MAP3K5: variants seen among roughly 807,000 people sequenced by gnomAD.
MAP3K5 encodes the protein mitogen-activated protein kinase kinase kinase 5.
In MAP3K5, 56 loss-of-function variants were observed where a neutral mutation model predicts 158.7. That is an observed-to-expected ratio of 0.35 (90% CI 0.28 to 0.44). MAP3K5 has a LOEUF of 0.44. Ranked by LOEUF, MAP3K5 falls within the 20% of genes least tolerant of loss-of-function variation. MAP3K5 has a pLI of 1.00. For synonymous variants in MAP3K5, 579 were observed against 601.7 expected, an observed-to-expected ratio of 0.96 and a Z score of 0.55; for missense variants, 1,294 against 1,674.8, an observed-to-expected ratio of 0.77 and a Z score of 3.97.
In MAP3K5 at chr6:136,583,634, G is replaced by A; in HGVS notation, c.3332C>T (p.Ser1111Leu). Reference protein sequence around the residue: ...TDRKIIATTLSKLKLELDFDS... With the variant: ...TDRKIIATTLLKLKLELDFDS... ...GAAGTCCAGCTCCAGTTTCAGCTTT[G>A]ACAGTGTGGTGGCTATGATTTTTCG... Residue 1111 changes from serine to leucine, a missense_variant, in exon 24 of 30, where the codon TCA becomes TTA. Transcript: ENST00000359015. 1 of 1,614,226 alleles carries A rather than the reference G, an allele frequency of 6.2e-7. No homozygotes were observed. Among genetic ancestry groups the A allele is most frequent in the Non-Finnish European group, 8.5e-7 (1 of 1,180,046 alleles).
intron 12 of MAP3K5, among the ~76,000 whole-genome samples, chr6:136,640,310 A>G (rs1777864133): frequency 6.6e-6 from 1 of 152,226 alleles, no homozygotes; most frequent in Non-Finnish European, 1.5e-5. Context: ...GCTGCCTAAG[A>G]GGATGCATAA....
chr6:136,568,541 C>A lies in MAP3K5; in HGVS notation c.3518-667G>T, dbSNP rs1774221171. Among the ~76,000 whole-genome samples the A allele has an allele frequency of 2.0e-5, 3 of 152,110 alleles. No homozygotes were observed. In the South Asian group the frequency reaches 6.2e-4, roughly 32 times the overall value. On this transcript the variant is annotated intron_variant, in intron 25 of 29. Coordinates refer to ENST00000359015, the MANE Select transcript of MAP3K5 (RefSeq NM_005923.4). ...GTTACAATTTTCCAACTTAAACATA[C>A]TATATAACATGAGATCACCTGCATG... is the stretch of plus-strand genomic sequence containing the variant.
chr6:136,700,576 T>C (rs781345370), intron 3 of MAP3K5, among the ~76,000 whole-genome samples: 18 of 152,178 alleles, frequency 1.2e-4, no homozygotes, highest in Non-Finnish European at 1.8e-4. Context: ...GAATTCTAGT[T>C]AAAATATGAG....
At chr6:136,772,986 A>C (rs1784270378) in intron 1 of MAP3K5, among the ~76,000 whole-genome samples, 1 of 152,180 alleles carries the variant, frequency 6.6e-6, no homozygotes, top group African/African-American at 2.4e-5. Context: ...TTCTCAACTT[A>C]AGCTGTATCA....
chr6:136,673,847 T>C (rs1462070774), intron 7 of MAP3K5, among the ~76,000 whole-genome samples: 1 of 151,938 alleles, frequency 6.6e-6, no homozygotes, highest in African/African-American at 2.4e-5. Flanking sequence ...ACAAGAAATA[T>C]GTGAGATATA....
At chr6:136,626,268 G>A in intron 14 of MAP3K5, among the ~76,000 whole-genome samples, 1 of 152,192 alleles carries the variant, frequency 6.6e-6, no homozygotes, top group Non-Finnish European at 1.5e-5. Flanking sequence ...GGGCTGGAGT[G>A]AGCACTGGCC....
intron 26 of MAP3K5, 41 bp from the exon 27 acceptor site, chr6:136,562,656 G>T: frequency 9.7e-7 from 1 of 1,031,438 alleles, no homozygotes; most frequent in Non-Finnish European, 1.4e-6. Context: ...AGGTGACACA[G>T]GGTGACCTTC....
chr6:136,640,080 A>T (rs796337750), intron 12 of MAP3K5, among the ~76,000 whole-genome samples: 6 of 152,378 alleles, frequency 3.9e-5, no homozygotes, highest in African/African-American at 1.4e-4. Context: ...CACCTCATTC[A>T]TTATAGAGAT....
chr6:136,561,925 A>G (rs990502234), intron 27 of MAP3K5, among the ~76,000 whole-genome samples: 4 of 152,252 alleles, frequency 2.6e-5, no homozygotes, highest in African/African-American at 9.6e-5. Flanking sequence ...TCTGTGCACC[A>G]AAATTAGACT....
intron 1 of MAP3K5, among the ~76,000 whole-genome samples, chr6:136,721,767 C>G (rs1781754700): frequency 6.6e-6 from 1 of 152,194 alleles, no homozygotes; most frequent in Non-Finnish European, 1.5e-5. Flanking sequence ...CCTGTAATCT[C>G]AGCTACTCAG....
At chr6:136,642,035 T>TA (rs1175270359) in intron 12 of MAP3K5, among the ~76,000 whole-genome samples, 33 of 49,648 alleles carry the variant, frequency 6.6e-4, no homozygotes, top group Non-Finnish European at 1.2e-3. Context: ...AAAATAAAAA[T>TA]AAAATAAAAT....
intron 12 of MAP3K5, 73 bp downstream of exon 12, chr6:136,642,447 G>A (rs1778025449): frequency 9.9e-7 from 1 of 1,013,132 alleles, no homozygotes; most frequent in Admixed American, 2.0e-5. Flanking sequence ...ATCATGATTA[G>A]AAGTTCTATC....
At chr6:136,678,597 T>TA (rs1186180657) in intron 7 of MAP3K5, among the ~76,000 whole-genome samples, 25 of 152,148 alleles carry the variant, frequency 1.6e-4, no homozygotes, top group Non-Finnish European at 4.4e-5. Flanking sequence ...AAATAAATCT[T>TA]AGAGAACTAT....
chr6:136,692,585 T>C (rs1780433486), intron 7 of MAP3K5, among the ~76,000 whole-genome samples: 1 of 152,200 alleles, frequency 6.6e-6, no homozygotes, highest in Non-Finnish European at 1.5e-5. Context: ...CCAACTTTTT[T>C]CCAACATTTA....
intron 7 of MAP3K5, among the ~76,000 whole-genome samples, chr6:136,689,867 G>A (rs2114636796): frequency 6.6e-6 from 1 of 152,006 alleles, no homozygotes; most frequent in South Asian, 2.1e-4. Flanking sequence ...TCCCTCTAAA[G>A]TGTGAAAATG....
Position 136,649,014 on chromosome 6 carries a change from G to A in MAP3K5, c.1788+1970C>T, listed in dbSNP as rs959353720. ...AGATAGAGTCTTGCTCTGTCGCCCAGGCTGGAGTGCAGTGGCACAATTTTG... is the reference window on the plus strand; with the variant it reads ...AGATAGAGTCTTGCTCTGTCGCCCAAGCTGGAGTGCAGTGGCACAATTTTG... On this transcript the variant is annotated intron_variant, in intron 11 of 29. Coordinates refer to ENST00000359015, the MANE Select transcript of MAP3K5 (RefSeq NM_005923.4). 2.2e-4 allele frequency among the ~76,000 whole-genome samples: 34 copies of A among 152,294 alleles called. No homozygotes were observed. In the South Asian group the frequency reaches 4.4e-3, roughly 20 times the overall value.
At chr6:136,752,590 T>C in intron 1 of MAP3K5, among the ~76,000 whole-genome samples, 1 of 152,112 alleles carries the variant, frequency 6.6e-6, no homozygotes. Flanking sequence ...TTTTGTATTT[T>C]TAGTAGAGAT....
In MAP3K5 at chr6:136,609,745, A is replaced by G. The variant is rs1776250661; in HGVS notation, c.2521+1537T>C. ...GGGTAGGGGAGGTCACAGTGAGCAG[A>G]GATTACACCACTGTACTTCAGCCTG... On this transcript the variant is annotated intron_variant, in intron 18 of 29. Transcript: ENST00000359015. This position sits in a 1 kb window ranked among gnomAD's most constrained non-coding sequence, Gnocchi z 4.4. Among the ~76,000 whole-genome samples the G allele has an allele frequency of 6.6e-6, 1 of 151,828 alleles. No homozygotes were observed. The highest frequency in any genetic ancestry group is 1.5e-5 in the Non-Finnish European group (1 of 67,972).
chr6:136,719,916 C>T (rs947693557), intron 2 of MAP3K5, among the ~76,000 whole-genome samples: 4 of 152,140 alleles, frequency 2.6e-5, no homozygotes, highest in African/African-American at 9.7e-5. Flanking sequence ...GCAGTAAGCT[C>T]CTATTACTGG....
Sources: gnomAD v4.1 joint callset for allele counts (sites outside exome capture counted in the v4.1 genomes callset) on GRCh38, gnomAD v4.1.1 for gene constraint, Gnocchi (gnomAD v3.1) non-coding constraint, MANE v1.5 for transcripts, NCBI Gene and HGNC (gene_info 2026-07-23, HGNC 2026-07-21) for gene names.